The following SUGCT variants were observed in gnomAD, a reference collection of about 807,000 sequenced individuals.
The protein encoded by SUGCT is succinyl-CoA:glutarate-CoA transferase, also known as succinyl-CoA:glutarate CoA-transferase.
Under a neutral mutation model 55.0 loss-of-function variants are expected in SUGCT, and 41 were observed. The observed-to-expected ratio is 0.74, with a 90% CI of 0.58 to 0.97. The LOEUF (loss-of-function observed/expected upper bound fraction) is 0.97, where lower values mean the gene tolerates loss of function less well. Among genes scored for constraint, SUGCT ranks in the 50% least tolerant of loss-of-function variants. The pLI is 0.00. For missense variants in SUGCT, 568 were observed against 547.8 expected (o/e 1.04, Z -0.37); for synonymous variants, 187 against 200.4 (o/e 0.93, Z 0.56).
chr7:40,355,192 A>G (rs891970637), intron 9 of SUGCT, among the ~76,000 whole-genome samples: 4 of 152,212 alleles, frequency 2.6e-5, no homozygotes, highest in Non-Finnish European at 5.9e-5. Context: ...AGCCATGGGA[A>G]GGACACTGGA....
chr7:41,011,146 G>T, the SUGCT span, among the ~76,000 whole-genome samples: 3 of 152,134 alleles, frequency 2.0e-5, no homozygotes, highest in African/African-American at 7.2e-5. Context: ...TGGTTGACAC[G>T]CATGAGGAGG....
At chr7:40,885,253 C>A in the SUGCT span, among the ~76,000 whole-genome samples, 1 of 152,122 alleles carries the variant, frequency 6.6e-6, no homozygotes, top group Non-Finnish European at 1.5e-5. Context: ...TCCAAGGGCA[C>A]CACAGCAGAT....
chr7:40,990,983 T>C, the SUGCT span, among the ~76,000 whole-genome samples: 1 of 152,346 alleles, frequency 6.6e-6, no homozygotes. Context: ...CAGCAATAAG[T>C]CATTTTGCTT....
At chr7:40,362,405 C>T (rs940681914) in intron 9 of SUGCT, among the ~76,000 whole-genome samples, 11 of 151,688 alleles carry the variant, frequency 7.3e-5, no homozygotes, top group African/African-American at 1.9e-4. Flanking sequence ...GGTGACAGAG[C>T]GAGAGTCCAT....
chr7:40,404,472 C>G (rs941176100), intron 9 of SUGCT, among the ~76,000 whole-genome samples: 1 of 151,306 alleles, frequency 6.6e-6, no homozygotes, highest in Admixed American at 6.6e-5. Context: ...GAGTCTCACT[C>G]TGTCACCCAG....
the SUGCT span, among the ~76,000 whole-genome samples, chr7:40,882,780 A>T: frequency 1.3e-5 from 2 of 152,222 alleles, no homozygotes; most frequent in South Asian, 4.1e-4. Flanking sequence ...TCAAGAAGAG[A>T]TAAAAAGTTC....
intron 12 of SUGCT, among the ~76,000 whole-genome samples, chr7:40,535,376 G>T (rs914040515): frequency 6.6e-6 from 1 of 152,098 alleles, no homozygotes; most frequent in Non-Finnish European, 1.5e-5. Context: ...TATAGACATT[G>T]TTACCTCCCA....
intron 7 of SUGCT, among the ~76,000 whole-genome samples, chr7:40,268,725 C>T (rs1308163138): frequency 1.3e-5 from 2 of 151,948 alleles, no homozygotes; most frequent in Admixed American, 1.3e-4. Context: ...TCTTGGCCCA[C>T]TGCAACTTCT....
chr7:40,274,137 TTTAACTCTTTCTC>T (rs1160862023), intron 7 of SUGCT, among the ~76,000 whole-genome samples: 1 of 129,370 alleles, frequency 7.7e-6, no homozygotes, highest in East Asian at 2.4e-4. Flanking sequence ...AAAACACTGC[TTTAACTCTTTCTC>T]CCCAACAAAT....
intron 12 of SUGCT, among the ~76,000 whole-genome samples, chr7:40,537,150 G>A (rs765974865): frequency 3.3e-5 from 5 of 152,080 alleles, no homozygotes; most frequent in Non-Finnish European, 5.9e-5. Flanking sequence ...GTGACTTTGA[G>A]AAAGGAGCAT....
chr7:40,960,309 A>C, the SUGCT span, among the ~76,000 whole-genome samples: 5 of 152,176 alleles, frequency 3.3e-5, no homozygotes, highest in Non-Finnish European at 7.3e-5. Context: ...GTTTCTCTGC[A>C]GTTTCTTTGG....
At chr7:40,564,751 T>C (rs1043899722) in intron 12 of SUGCT, among the ~76,000 whole-genome samples, 2 of 152,220 alleles carry the variant, frequency 1.3e-5, no homozygotes, top group African/African-American at 4.8e-5. Flanking sequence ...TGGCCTAACT[T>C]CTTGTGCCCA....
At chr7:41,014,093 G>A in the SUGCT span, among the ~76,000 whole-genome samples, 1 of 152,154 alleles carries the variant, frequency 6.6e-6, no homozygotes, top group Non-Finnish European at 1.5e-5. Flanking sequence ...GTCACACAAA[G>A]TACCAATGCT....
intron 6 of SUGCT, among the ~76,000 whole-genome samples, chr7:40,203,517 G>A (rs1449067102): frequency 1.3e-5 from 2 of 152,204 alleles, no homozygotes; most frequent in Non-Finnish European, 2.9e-5. Context: ...GCTCATGCCT[G>A]TAATCCCAGC....
chr7:40,913,343 T>C, the SUGCT span, among the ~76,000 whole-genome samples: 1 of 152,128 alleles, frequency 6.6e-6, no homozygotes. Context: ...GTTTTAGAAA[T>C]ATTAAAATGG....
rs146080349 is a variant in SUGCT at position 40,292,068 on chromosome 7, C to T, written c.720+17412C>T. ...TAAGTTTAGGGGCAATTTGTTACAG[C>T]AGTAACGGGAAACCAATTCACCACC... On this transcript the variant is annotated intron_variant, in intron 8 of 13. Coordinates refer to ENST00000335693, the MANE Select transcript of SUGCT (RefSeq NM_001193313.2). 3.2e-4 allele frequency among the ~76,000 whole-genome samples: 48 copies of T among 152,302 alleles called. No individual in the cohort carries two copies. In the East Asian group the frequency reaches 6.9e-3, roughly 22 times the overall value.
intron 8 of SUGCT, among the ~76,000 whole-genome samples, chr7:40,284,166 A>T (rs982429915): frequency 6.6e-6 from 1 of 152,086 alleles, no homozygotes; most frequent in Non-Finnish European, 1.5e-5. Context: ...GCAGGGGAAG[A>T]TGATGGTCAA....
At chr7:40,346,952 T>G (rs1797348581) in intron 9 of SUGCT, among the ~76,000 whole-genome samples, 1 of 152,230 alleles carries the variant, frequency 6.6e-6, no homozygotes, top group Admixed American at 6.5e-5. Context: ...AAATTTCTGT[T>G]TTCAAAAGCA....
intron 12 of SUGCT, among the ~76,000 whole-genome samples, chr7:40,543,111 G>A (rs771171565): frequency 5.9e-5 from 9 of 152,124 alleles, no homozygotes. Context: ...CAATACGTCT[G>A]TTTTTAATTT....
Sources: gnomAD v4.1 joint callset for allele counts (sites outside exome capture counted in the v4.1 genomes callset) on GRCh38, gnomAD v4.1.1 for gene constraint, MANE v1.5 for transcripts, NCBI Gene and HGNC (gene_info 2026-07-23, HGNC 2026-07-21) for gene names.